The following STPG2 variants were observed in gnomAD, a reference collection of about 807,000 sequenced individuals.
STPG2 encodes the protein sperm tail PG-rich repeat containing 2, also known as sperm-tail PG-rich repeat-containing protein 2.
Under a neutral mutation model 54.2 loss-of-function variants are expected in STPG2, and 56 were observed. That is an observed-to-expected ratio of 1.03 (90% CI 0.83 to 1.29). The LOEUF is 1.29. STPG2 is among the 50% of genes most tolerant of loss of function. STPG2 has a pLI of 0.00. For synonymous variants in STPG2, 200 were observed against 181.8 expected (o/e 1.10, Z -0.81); for missense variants, 596 against 544.9 (o/e 1.09, Z -0.93).
chr4:97,720,081 CATG>C (rs1560501105), intron 9 of STPG2, among the ~76,000 whole-genome samples: 1 of 151,930 alleles, frequency 6.6e-6, no homozygotes, highest in Non-Finnish European at 1.5e-5. Context: ...AAACTTACTT[CATG>C]ATAACTGAAG....
intron 5 of STPG2, among the ~76,000 whole-genome samples, chr4:98,099,318 T>C (rs1270121097): frequency 2.6e-5 from 4 of 152,158 alleles, no homozygotes; most frequent in East Asian, 3.8e-4. Flanking sequence ...TGCAACAACA[T>C]GGATGGAACT....
intron 4 of STPG2, among the ~76,000 whole-genome samples, chr4:97,551,755 C>G (rs1731970996): frequency 6.6e-6 from 1 of 152,170 alleles, no homozygotes; most frequent in Non-Finnish European, 1.5e-5. Flanking sequence ...AAAAATAACA[C>G]TTATTATTGC....
intron 4 of STPG2, among the ~76,000 whole-genome samples, chr4:97,502,418 G>C (rs1173668118): frequency 6.6e-6 from 1 of 151,960 alleles, no homozygotes; most frequent in African/African-American, 2.4e-5. Context: ...TCAATTTTCT[G>C]ATGGGGAAAA....
At chr4:97,884,130 A>AG (rs1346289797) in intron 8 of STPG2, among the ~76,000 whole-genome samples, 1 of 152,014 alleles carries the variant, frequency 6.6e-6, no homozygotes, top group Non-Finnish European at 1.5e-5. Flanking sequence ...ATGGGAAGAG[A>AG]GGGGGGAAAG....
chr4:97,487,209 A>T (rs796101362), intron 4 of STPG2, among the ~76,000 whole-genome samples: 8 of 151,402 alleles, frequency 5.3e-5, no homozygotes, highest in African/African-American at 1.9e-4. Context: ...GAAAAAAAAA[A>T]CCCAGACCAG....
At chr4:97,711,626 C>G in intron 10 of STPG2, among the ~76,000 whole-genome samples, 1 of 150,580 alleles carries the variant, frequency 6.6e-6, no homozygotes, top group East Asian at 1.9e-4. Flanking sequence ...TGATGGAATG[C>G]TGAAAAGTAT....
At chr4:97,860,089 C>T (rs569967536) in intron 8 of STPG2, among the ~76,000 whole-genome samples, 2 of 152,152 alleles carry the variant, frequency 1.3e-5, no homozygotes, top group Admixed American at 1.3e-4. Context: ...GGTCTACGTG[C>T]CAATTTGTAC....
At chr4:97,567,448 GTA>G (rs1427230093) in intron 10 of STPG2, among the ~76,000 whole-genome samples, 4 of 148,068 alleles carry the variant, frequency 2.7e-5, no homozygotes, top group Admixed American at 6.8e-5. Flanking sequence ...ATATATATAT[GTA>G]TATATATATA....
At chr4:97,932,253 A>AT (rs1240118638) in intron 8 of STPG2, among the ~76,000 whole-genome samples, 2 of 151,624 alleles carry the variant, frequency 1.3e-5, no homozygotes, top group East Asian at 3.9e-4. Context: ...TTTAGCTCCG[A>AT]TTTTTGCTAT....
At chr4:98,103,045 C>A (rs1370363605) in intron 5 of STPG2, among the ~76,000 whole-genome samples, 1 of 151,486 alleles carries the variant, frequency 6.6e-6, no homozygotes, top group East Asian at 1.9e-4. Context: ...AATACATACT[C>A]TCTCAATACC....
In STPG2 at chr4:98,143,394, C is replaced by T. The variant is rs1160635127; in HGVS notation, c.-244G>A. Among the ~76,000 whole-genome samples, 1 of 152,140 alleles carries T rather than the reference C, an allele frequency of 6.6e-6. No homozygotes were observed. The highest frequency in any genetic ancestry group is 2.4e-5 in the African/African-American group (1 of 41,424). ...GGTGAGCGACTAGAGATTAGACGTC[C>T]CACACAATCATCAGTTTGCCAGGTG... On this transcript the variant is annotated 5_prime_UTR_variant, in exon 1 of 11. The change creates a premature stop within an existing upstream ORF in the 5' untranslated region. Coordinates refer to ENST00000295268, the MANE Select transcript of STPG2 (RefSeq NM_174952.3).
At chr4:97,787,228 C>T (rs1040479821) in intron 9 of STPG2, among the ~76,000 whole-genome samples, 2 of 152,004 alleles carry the variant, frequency 1.3e-5, no homozygotes, top group African/African-American at 4.8e-5. Flanking sequence ...GTTAGACCCT[C>T]ACATAAAACG....
chr4:97,696,651 C>T (rs1403657324), intron 10 of STPG2, among the ~76,000 whole-genome samples: 1 of 152,190 alleles, frequency 6.6e-6, no homozygotes, highest in Non-Finnish European at 1.5e-5. Context: ...TATTCAGAAT[C>T]TACAAGGAAC....
At chr4:97,677,973 AATT>A (rs764759092) in intron 10 of STPG2, among the ~76,000 whole-genome samples, 6 of 152,194 alleles carry the variant, frequency 3.9e-5, no homozygotes, top group Non-Finnish European at 7.4e-5. Flanking sequence ...TGTTTTAAAA[AATT>A]ATGAAAAACC....
intron 8 of STPG2, among the ~76,000 whole-genome samples, chr4:97,904,222 A>G (rs2149190400): frequency 6.6e-6 from 1 of 152,310 alleles, no homozygotes; most frequent in Non-Finnish European, 1.5e-5. Context: ...TGAAGAGAGC[A>G]GTGGTTCTCC....
intron 5 of STPG2, among the ~76,000 whole-genome samples, chr4:98,022,651 A>C (rs1236685768): frequency 6.6e-6 from 1 of 152,118 alleles, no homozygotes; most frequent in South Asian, 2.1e-4. Context: ...ACTTTCAGGT[A>C]CATCAATCAG....
intron 8 of STPG2, among the ~76,000 whole-genome samples, chr4:97,846,849 C>A (rs573782172): frequency 2.6e-5 from 4 of 152,218 alleles, no homozygotes; most frequent in Admixed American, 2.6e-4. Flanking sequence ...ACTACTTCCT[C>A]TTTCAAGTTA....
chr4:97,450,580 T>A (rs565333376), intron 4 of STPG2, among the ~76,000 whole-genome samples: 1 of 152,152 alleles, frequency 6.6e-6, no homozygotes, highest in African/African-American at 2.4e-5. Context: ...CGGTGGGGAA[T>A]AGGGTCAGGG....
intron 5 of STPG2, chr4:98,026,310 A>C (rs756495111): frequency 1.6e-6 from 1 of 620,886 alleles, no homozygotes; most frequent in Non-Finnish European, 2.8e-6. Context: ...AAGACAATAA[A>C]AGTATGGACA....
Sources: gnomAD v4.1 joint callset for allele counts (sites outside exome capture counted in the v4.1 genomes callset) on GRCh38, gnomAD v4.1.1 for gene constraint, MANE v1.5 for transcripts, NCBI Gene and HGNC (gene_info 2026-07-23, HGNC 2026-07-21) for gene names.